The following POLR2M variants were observed in gnomAD, a reference collection of about 807,000 sequenced individuals.
POLR2M encodes the protein RNA polymerase II subunit M.
POLR2M carries 30 observed loss-of-function variants against 34.6 expected under a neutral mutation model. That is an observed-to-expected ratio of 0.87 (90% CI 0.65 to 1.18). The LOEUF is 1.18. Among genes scored for constraint, POLR2M ranks in the 50% most tolerant of loss-of-function variants. The pLI, the probability that POLR2M is intolerant of heterozygous loss-of-function variation, is 0.00. For missense variants in POLR2M, 432 were observed against 448.7 expected, an observed-to-expected ratio of 0.96 and a Z score of 0.34; for synonymous variants, 150 against 166.7, an observed-to-expected ratio of 0.90 and a Z score of 0.77.
rs527837846 is a variant in POLR2M at position 57,711,288 on chromosome 15, T to C, written c.759-696T>C. Among the ~76,000 whole-genome samples, 10 of 152,336 alleles carry C rather than the reference T, an allele frequency of 6.6e-5. No individual in the cohort carries two copies. In the East Asian group the frequency reaches 1.9e-3, roughly 29 times the overall value. On this transcript the variant is annotated intron_variant, in intron 2 of 3. Coordinates refer to ENST00000299638, the MANE Select transcript of POLR2M (RefSeq NM_015532.5). Reference sequence around the variant, plus strand: ...GACTCTCATCTCTCTCGGGCTGTAATTGTGGCCCCTTCTACCTCTAGTCTT... The same window carrying C: ...GACTCTCATCTCTCTCGGGCTGTAACTGTGGCCCCTTCTACCTCTAGTCTT...
intron 2 of POLR2M, among the ~76,000 whole-genome samples, chr15:57,709,875 C>G (rs2140819198): frequency 6.6e-6 from 1 of 152,114 alleles, no homozygotes; most frequent in South Asian, 2.1e-4. Flanking sequence ...AGTCTGTGAA[C>G]TAAGGGTAAA....
chr15:57,712,270 G>A, intron 3 of POLR2M, 82 bp downstream of exon 3: 1 of 1,514,546 alleles, frequency 6.6e-7, no homozygotes, highest in South Asian at 1.2e-5. Flanking sequence ...CAAGGAGGAA[G>A]GAATGGAATA....
intron 2 of POLR2M, 136 bp downstream of exon 2, chr15:57,709,494 G>C: frequency 1.0e-6 from 1 of 993,702 alleles, no homozygotes. Context: ...AGACAGCTTT[G>C]AGTCCAGGAG....
rs1348986949 is a variant in POLR2M at position 57,714,704 on chromosome 15, T to G, written c.*25T>G. 1.2e-6 allele frequency: 2 copies of G among 1,605,866 alleles called. No homozygotes were observed. Among genetic ancestry groups the G allele is most frequent in the South Asian group, 2.2e-5 (2 of 90,482 alleles). On this transcript the variant is annotated 3_prime_UTR_variant, in exon 4 of 4. Coordinates refer to ENST00000299638, the MANE Select transcript of POLR2M (RefSeq NM_015532.5). The stretch of plus-strand genomic sequence containing the variant: ...AAGATAATCTCCTAAATCACTGACG[T>G]TGAGATGTCATCATCTTACATCAGA...
chr15:57,708,788 C>A lies in POLR2M; in HGVS notation c.188C>A (p.Ala63Glu). Residue 63 changes from alanine to glutamate, a missense_variant, in exon 2 of 4, where the codon GCA becomes GAA. Physicochemically the swap from Ala to Glu is moderately radical, Grantham distance 107. Coordinates refer to ENST00000299638, the MANE Select transcript of POLR2M (RefSeq NM_015532.5). ...DSFAKLKAAI[A>E]ECEEVRRKSE... ...TTTGCCAAACTGAAAGCTGCCATTG[C>A]AGAATGTGAAGAAGTTAGAAGAAAA... 1 of 1,612,518 alleles carries A rather than the reference C, an allele frequency of 6.2e-7. No homozygotes were observed. Among genetic ancestry groups the A allele is most frequent in the Non-Finnish European group, 8.5e-7 (1 of 1,179,460 alleles).
Position 57,714,835 on chromosome 15 carries a change from G to A in POLR2M, c.*156G>A, listed in dbSNP as rs2140842458. The A allele has an allele frequency of 1.6e-6, 2 of 1,262,532 alleles. No homozygotes were observed. The highest frequency in any genetic ancestry group is 2.2e-6 in the Non-Finnish European group (2 of 926,918). 78.2% of individuals were successfully genotyped at this position (1,262,532 alleles called of 1,614,324 possible). A position where few individuals can be genotyped will look rare whatever the true frequency, so the allele number is the denominator to read the frequency against. ...AAAAGCCCAGTTTGTCTTTCAGAAGGTGACTTTCATGTGCTTGAAAAGTTT... is the reference window on the plus strand; with the variant it reads ...AAAAGCCCAGTTTGTCTTTCAGAAGATGACTTTCATGTGCTTGAAAAGTTT... On this transcript the variant is annotated 3_prime_UTR_variant, in exon 4 of 4. Coordinates refer to ENST00000299638, the MANE Select transcript of POLR2M (RefSeq NM_015532.5).
intron 1 of POLR2M, chr15:57,707,474 T>C: frequency 1.9e-6 from 1 of 540,458 alleles, no homozygotes; most frequent in South Asian, 1.5e-5. Flanking sequence ...TAGGCAGCTT[T>C]GTTCAGCAGC....
chr15:57,709,140 A>G lies in POLR2M; in HGVS notation c.540A>G (p.Gln180=). The change falls in exon 2 of 4, where the codon CAA becomes CAG. Residue 180 remains glutamine (Q), a synonymous_variant. Coordinates refer to ENST00000299638, the MANE Select transcript of POLR2M (RefSeq NM_015532.5). ...EHHPRHRVSS[Q]AEDTSSSFDN... ...ACCCGCGGCATCGTGTTTCAAGTCA[A>G]GCGGAAGATACTTCCAGCAGCTTTG... The G allele has an allele frequency of 6.2e-7, 1 of 1,614,202 alleles. No individual in the cohort carries two copies. The highest frequency in any genetic ancestry group is 8.5e-7 in the Non-Finnish European group (1 of 1,180,040).
chr15:57,714,569 G>T lies in POLR2M; in HGVS notation c.997G>T (p.Ala333Ser). ...AGCAAAGCTCGCAGCGCAAAAATTA[G>T]CTGAAAGACTGAATATTAAAATGCG... Reference protein sequence around the residue: ...MQAKLAAQKLAERLNIKMRSY... With the variant: ...MQAKLAAQKLSERLNIKMRSY... Residue 333 changes from alanine to serine, a missense_variant, in exon 4 of 4, where the codon GCT becomes TCT. Ala to Ser is a moderately conservative substitution (Grantham distance 99). Coordinates refer to ENST00000299638, the MANE Select transcript of POLR2M (RefSeq NM_015532.5). The T allele has an allele frequency of 6.2e-7, 1 of 1,613,856 alleles. No homozygotes were observed. The highest frequency in any genetic ancestry group is 8.5e-7 in the Non-Finnish European group (1 of 1,179,852).
In POLR2M at chr15:57,717,484, A is replaced by G. The variant is rs1222299332; in HGVS notation, c.*2805A>G. On this transcript the variant is annotated 3_prime_UTR_variant, in exon 4 of 4. Coordinates refer to ENST00000299638, the MANE Select transcript of POLR2M (RefSeq NM_015532.5). ...CCTCTGTCCTTTTAAGAATTATTTTACCAGTTATGTGTATAACAATATGGT... is the reference window on the plus strand; with the variant it reads ...CCTCTGTCCTTTTAAGAATTATTTTGCCAGTTATGTGTATAACAATATGGT... The G allele has an allele frequency of 6.6e-6, 1 of 152,156 alleles. No homozygotes were observed. The highest frequency in any genetic ancestry group is 1.5e-5 in the Non-Finnish European group (1 of 68,020). 9.4% of individuals were successfully genotyped at this position (152,156 alleles called of 1,614,324 possible).
In POLR2M at chr15:57,712,096, G is replaced by T. The variant is rs752957846; in HGVS notation, c.871G>T (p.Ala291Ser). ...GCAGCATCTTGATGACATCACAGCA[G>T]CTCGGCTTCTACCACTTCACCATAT... ...DKQHLDDITA[A>S]RLLPLHHMPT... The change falls in exon 3 of 4, where the codon GCT becomes TCT. Residue 291 changes from alanine to serine, a missense_variant. Coordinates refer to ENST00000299638, the MANE Select transcript of POLR2M (RefSeq NM_015532.5). The T allele has an allele frequency of 6.2e-7, 1 of 1,614,014 alleles. No homozygotes were observed. Among genetic ancestry groups the T allele is most frequent in the Middle Eastern group, 1.6e-4 (1 of 6,068 alleles).
chr15:57,711,984 G>A lies in POLR2M; in HGVS notation c.759G>A (p.Val253=), dbSNP rs2040738497. 1.2e-6 allele frequency: 2 copies of A among 1,613,784 alleles called. No individual in the cohort carries two copies. Among genetic ancestry groups the A allele is most frequent in the Non-Finnish European group, 8.5e-7 (1 of 1,179,886 alleles). ...ATAACACAAGTTTTCCTTTCATCAG[G>A]TTACCTTTTCGACAAAATGATTCAT... ...VPQLRKFKTN[V]LPFRQNDSSS... is the part of the protein sequence containing the mutation. Residue 253 remains valine, a splice_region_variant and synonymous_variant, in exon 3 of 4, where the codon GTG becomes GTA. Coordinates refer to ENST00000299638, the MANE Select transcript of POLR2M (RefSeq NM_015532.5).
intron 2 of POLR2M, 27 bp downstream of exon 2, chr15:57,709,385 A>T (rs2140816739): frequency 1.3e-6 from 2 of 1,584,270 alleles, no homozygotes; most frequent in Non-Finnish European, 1.7e-6. Flanking sequence ...ACAGGCCTGT[A>T]ACAGGAACGT....
rs2040964185 is a variant in POLR2M at position 57,716,766 on chromosome 15, A to G, written c.*2087A>G. 1 of 152,148 alleles carries G rather than the reference A, an allele frequency of 6.6e-6. No individual in the cohort carries two copies. 9.4% of individuals were successfully genotyped at this position (152,148 alleles called of 1,614,324 possible). A position where few individuals can be genotyped will look rare whatever the true frequency, so the allele number is the denominator to read the frequency against. ...TGTCCGTCCTTTGTCATATATTGTA[A>G]CTTTTTTTAGCCTTATTTGTCATTT... On this transcript the variant is annotated 3_prime_UTR_variant, in exon 4 of 4. Transcript: ENST00000299638.
chr15:57,711,890 T>G (rs2040734204), intron 2 of POLR2M, 94 bp from the exon 3 acceptor site: 2 of 1,406,404 alleles, frequency 1.4e-6, no homozygotes, highest in East Asian at 4.8e-5. Context: ...GGAGGAGAAT[T>G]AATTGCTAAG....
At chr15:57,712,672 C>G (rs2040780271) in intron 3 of POLR2M, among the ~76,000 whole-genome samples, 1 of 152,180 alleles carries the variant, frequency 6.6e-6, no homozygotes. Flanking sequence ...CAGTGAGACA[C>G]TGCTTTAGAG....
intron 2 of POLR2M, 64 bp downstream of exon 2, chr15:57,709,422 G>C: frequency 1.3e-6 from 2 of 1,534,896 alleles, no homozygotes; most frequent in Non-Finnish European, 8.8e-7. Flanking sequence ...AAAAATTTAC[G>C]AGAAACTGGG....
At chr15:57,707,529 A>G (rs1294420215) in intron 1 of POLR2M, 1 of 473,072 alleles carries the variant, frequency 2.1e-6, no homozygotes, top group Admixed American at 2.3e-5. Flanking sequence ...AGAAGACAGT[A>G]GAAGGATATT....
At chr15:57,707,382 C>G in intron 1 of POLR2M, 1 of 686,042 alleles carries the variant, frequency 1.5e-6, no homozygotes, top group Non-Finnish European at 2.6e-6. Flanking sequence ...TTTATTAGGC[C>G]GGGAAAGTTC....
Sources: gnomAD v4.1 joint callset for allele counts (sites outside exome capture counted in the v4.1 genomes callset) on GRCh38, gnomAD v4.1.1 for gene constraint, MANE v1.5 for transcripts, NCBI Gene and HGNC (gene_info 2026-07-23, HGNC 2026-07-21) for gene names.